Variants in EYS observed in about 807,000 individuals in gnomAD.
EYS encodes the protein EGF-like photoreceptor maintenance factor.
Under a neutral mutation model 282.1 loss-of-function variants are expected in EYS, and 250 were observed. The ratio of observed to expected loss-of-function variants is 0.89; its 90% CI spans 0.80 to 0.98. The LOEUF is 0.98. EYS is among the 50% of genes least tolerant of loss of function. The probability of loss-of-function intolerance (pLI) is 0.00; values close to 1 mark genes in which losing one functional copy is unlikely to be tolerated. For synonymous variants in EYS, 1,355 were observed against 1,282.9 expected (o/e 1.06, Z -1.20); for missense variants, 4,016 against 3,709.0 (o/e 1.08, Z -2.15).
intron 30 of EYS, among the ~76,000 whole-genome samples, chr6:64,288,066 G>T (rs1425362998): frequency 6.6e-6 from 1 of 152,082 alleles, no homozygotes; most frequent in African/African-American, 2.4e-5. Flanking sequence ...AAAGGGGTTT[G>T]GGAACACAGT....
chr6:65,167,415 T>C lies in EYS; in HGVS notation c.2024-109688A>G, dbSNP rs578186321. On this transcript the variant is annotated intron_variant, in intron 12 of 42. Transcript: ENST00000503581. ...GGCAAGGATTGCACAACTTTGTGAG[T>C]TTTCTATAAATGGGTATATTGTACA... Among the ~76,000 whole-genome samples the C allele has an allele frequency of 4.6e-5, 7 of 151,396 alleles. No homozygotes were observed. The East Asian group carries it at 9.8e-4, about 21-fold the overall frequency.
At chr6:64,672,029 A>G (rs1374459018) in intron 22 of EYS, among the ~76,000 whole-genome samples, 5 of 152,218 alleles carry the variant, frequency 3.3e-5, no homozygotes. Flanking sequence ...TAAAATGAAT[A>G]TGGCATTTTA....
intron 33 of EYS, among the ~76,000 whole-genome samples, chr6:64,032,678 C>T (rs533079732): frequency 2.0e-5 from 3 of 152,138 alleles, no homozygotes; most frequent in Admixed American, 1.3e-4. Context: ...ACACAGCCCA[C>T]CCTTGATTTT....
At chr6:63,987,700 A>G (rs1272960448) in intron 34 of EYS, among the ~76,000 whole-genome samples, 2 of 151,650 alleles carry the variant, frequency 1.3e-5, no homozygotes, top group East Asian at 3.9e-4. Flanking sequence ...ACATCTGAAA[A>G]GTATTTAAAT....
intron 2 of EYS, among the ~76,000 whole-genome samples, chr6:65,544,467 T>A (rs988437142): frequency 6.6e-6 from 1 of 152,230 alleles, no homozygotes; most frequent in South Asian, 2.1e-4. Context: ...TTCATGATAC[T>A]GGGTGAGTTA....
chr6:64,752,738 A>T (rs543661320), intron 22 of EYS, among the ~76,000 whole-genome samples: 1 of 152,318 alleles, frequency 6.6e-6, no homozygotes, highest in East Asian at 1.9e-4. Context: ...AGGAAAAAAA[A>T]TACTAAAAGC....
chr6:63,799,559 T>G lies in EYS; in HGVS notation c.7411+6631A>C, dbSNP rs531592017. Reference sequence around the variant, plus strand: ...AAATAATAAATAAACATGTAATTATTGATTTTTCACCAACTATCCAGCACA... The same window carrying G: ...AAATAATAAATAAACATGTAATTATGGATTTTTCACCAACTATCCAGCACA... On this transcript the variant is annotated intron_variant, in intron 37 of 42. Coordinates refer to ENST00000503581, the MANE Select transcript of EYS (RefSeq NM_001142800.2). Among the ~76,000 whole-genome samples the G allele has an allele frequency of 8.5e-5, 13 of 152,268 alleles. No homozygotes were observed. The East Asian group carries it at 2.5e-3, about 29-fold the overall frequency.
At chr6:65,045,965 CT>C (rs1174698508) in intron 13 of EYS, among the ~76,000 whole-genome samples, 1 of 151,820 alleles carries the variant, frequency 6.6e-6, no homozygotes, top group Non-Finnish European at 1.5e-5. Flanking sequence ...ATACTTTTAC[CT>C]TATTGCTTCA....
In EYS at chr6:65,481,944, C is replaced by A. The variant is rs556174054; in HGVS notation, c.862+8650G>T. ...TTTGCCAATAAATCTATGGAGGATT[C>A]ATCACAATGGAAGAAATTAATTGGA... is the stretch of plus-strand genomic sequence containing the variant. On this transcript the variant is annotated intron_variant, in intron 5 of 42. Transcript: ENST00000503581. Among the ~76,000 whole-genome samples, 5 of 152,206 alleles carry A rather than the reference C, an allele frequency of 3.3e-5. No individual in the cohort carries two copies. The South Asian group carries it at 1.0e-3, about 32-fold the overall frequency.
At chr6:64,368,394 C>T (rs72887617) in intron 29 of EYS, among the ~76,000 whole-genome samples, 6,864 of 152,060 alleles carry the variant, frequency 0.045, 233 homozygotes, top group Non-Finnish European at 0.066. Flanking sequence ...AATAGTGCTG[C>T]GATAAACATA....
chr6:63,959,899 G>A (rs939778408), intron 35 of EYS, among the ~76,000 whole-genome samples: 3 of 151,982 alleles, frequency 2.0e-5, no homozygotes, highest in Non-Finnish European at 4.4e-5. Flanking sequence ...AGGACAAATA[G>A]CTAATGCATG....
intron 35 of EYS, among the ~76,000 whole-genome samples, chr6:63,976,968 C>G (rs1379778725): frequency 6.6e-6 from 1 of 151,722 alleles, no homozygotes; most frequent in Non-Finnish European, 1.5e-5. Context: ...TTTGGAGATT[C>G]AGGTCTCTTT....
At chr6:63,888,962 G>A (rs1773338704) in intron 35 of EYS, among the ~76,000 whole-genome samples, 1 of 152,268 alleles carries the variant, frequency 6.6e-6, no homozygotes, top group African/African-American at 2.4e-5. Flanking sequence ...TGATGGAGCT[G>A]AAAAACATAG....
chr6:64,426,069 T>C (rs796628762), intron 28 of EYS, among the ~76,000 whole-genome samples: 9 of 152,056 alleles, frequency 5.9e-5, no homozygotes, highest in African/African-American at 2.2e-4. Flanking sequence ...GAAAAAATAA[T>C]TGGTCACCGA....
At chr6:64,780,751 C>T (rs1773834341) in intron 22 of EYS, among the ~76,000 whole-genome samples, 1 of 151,992 alleles carries the variant, frequency 6.6e-6, no homozygotes, top group Non-Finnish European at 1.5e-5. Flanking sequence ...CAAGTGAAGA[C>T]CATGAAATTT....
chr6:64,678,436 G>C (rs1235903131), intron 22 of EYS, among the ~76,000 whole-genome samples: 1 of 151,672 alleles, frequency 6.6e-6, no homozygotes, highest in African/African-American at 2.4e-5. Context: ...ACATTAGCTG[G>C]GCATGGTGGC....
At chr6:65,687,440 CT>C (rs1335553870) in intron 1 of EYS, among the ~76,000 whole-genome samples, 2 of 151,938 alleles carry the variant, frequency 1.3e-5, no homozygotes, top group Non-Finnish European at 2.9e-5. Context: ...ACTTTTCCGC[CT>C]TTTGTAATAA....
At chr6:65,579,590 T>A (rs1308869608) in intron 2 of EYS, among the ~76,000 whole-genome samples, 1 of 151,934 alleles carries the variant, frequency 6.6e-6, no homozygotes, top group Admixed American at 6.6e-5. Flanking sequence ...TCCTTGCAGA[T>A]GACCATCTTC....
chr6:65,344,455 G>T (rs1452700283), intron 9 of EYS, among the ~76,000 whole-genome samples: 1 of 151,312 alleles, frequency 6.6e-6, no homozygotes, highest in Non-Finnish European at 1.5e-5. Context: ...TGACTAAACT[G>T]TAATTAATAA....
Sources: gnomAD v4.1 joint callset for allele counts (sites outside exome capture counted in the v4.1 genomes callset) on GRCh38, gnomAD v4.1.1 for gene constraint, MANE v1.5 for transcripts, NCBI Gene and HGNC (gene_info 2026-07-23, HGNC 2026-07-21) for gene names.